SEMA4D: variants seen among roughly 807,000 people sequenced by gnomAD.
The protein encoded by SEMA4D is semaphorin-4D.
SEMA4D carries 22 observed loss-of-function variants against 74.8 expected under a neutral mutation model. The observed-to-expected ratio is 0.29, with a 90% CI of 0.21 to 0.42. The LOEUF is 0.42. Ranked by LOEUF, SEMA4D falls within the 10% of genes least tolerant of loss-of-function variation. SEMA4D has a pLI of 1.00. For synonymous variants in SEMA4D, 445 were observed against 463.7 expected, an observed-to-expected ratio of 0.96 and a Z score of 0.52; for missense variants, 937 against 1,118.4, an observed-to-expected ratio of 0.84 and a Z score of 2.31.
At chr9:89,446,075 A>G (rs553484903) in intron 2 of SEMA4D, among the ~76,000 whole-genome samples, 38 of 152,004 alleles carry the variant, frequency 2.5e-4, no homozygotes, top group Non-Finnish European at 4.0e-4. Context: ...ACCGATTCTC[A>G]TGTCAACCTC....
intron 2 of SEMA4D, among the ~76,000 whole-genome samples, chr9:89,424,447 C>CG (rs1212550957): frequency 6.6e-6 from 1 of 152,180 alleles, no homozygotes; most frequent in African/African-American, 2.4e-5. Context: ...CTAAAGCCCA[C>CG]GACCACAACA....
chr9:89,370,730 G>C (rs972740328), intron 16 of SEMA4D, among the ~76,000 whole-genome samples: 22 of 149,238 alleles, frequency 1.5e-4, no homozygotes, highest in Non-Finnish European at 3.0e-4. Context: ...AGTTTGTGGG[G>C]TGTGGTGTGT....
intron 1 of SEMA4D, among the ~76,000 whole-genome samples, chr9:89,493,027 G>T (rs973692213): frequency 6.6e-6 from 1 of 152,096 alleles, no homozygotes. Flanking sequence ...CATATTCCCC[G>T]GCACCCCAGC....
intron 6 of SEMA4D, among the ~76,000 whole-genome samples, chr9:89,395,468 A>G (rs1018663126): frequency 6.6e-6 from 1 of 152,096 alleles, no homozygotes; most frequent in African/African-American, 2.4e-5. Context: ...CTAAATTTAA[A>G]CCAAATACAG....
intron 1 of SEMA4D, among the ~76,000 whole-genome samples, chr9:89,474,850 G>A (rs4876987): frequency 0.19 from 29,324 of 152,206 alleles, 3,017 homozygotes; most frequent in East Asian, 0.32. Context: ...TCTGCTCTCA[G>A]GTCTGTGACT....
exon 19 of SEMA4D, chr9:89,362,250 T>G: frequency 7.5e-7 from 1 of 1,332,062 alleles, no homozygotes; most frequent in Non-Finnish European, 1.1e-6. Context: ...CCTCTGCCCA[T>G]CAGGTGGTGG....
At chr9:89,486,167 C>T (rs549916266) in intron 1 of SEMA4D, among the ~76,000 whole-genome samples, 8 of 152,338 alleles carry the variant, frequency 5.3e-5, no homozygotes, top group Admixed American at 6.5e-5. Flanking sequence ...CCTGAGACAT[C>T]GATCTGATTG....
intron 18 of SEMA4D, chr9:89,362,498 T>TGTCTCATAGCCCATCCC: frequency 6.2e-7 from 1 of 1,613,696 alleles, no homozygotes; most frequent in Non-Finnish European, 8.5e-7. Context: ...CAGCCCAGTC[T>TGTCTCATAGCCCATCCC]GTCTCATAGC....
Position 89,472,447 on chromosome 9 carries a change from T to C in SEMA4D, c.-309-16494A>G, listed in dbSNP as rs1860612101. On this transcript the variant is annotated intron_variant, in intron 1 of 15. Coordinates refer to ENST00000422704, the MANE Select transcript of SEMA4D (RefSeq NM_001371194.2). ...CCAAATATACAGCCTTAAAATAGAA[T>C]GTGGACCTAAACACTGAGAAGCACC... 1.1e-5 allele frequency: 3 copies of C among 272,746 alleles called. No homozygotes were observed. The South Asian group carries it at 1.2e-4, about 11-fold the overall frequency. The allele number at this position is 272,746 out of a possible 1,614,324, so 16.9% of individuals were successfully genotyped here. A position where few individuals can be genotyped will look rare whatever the true frequency, so the allele number is the denominator to read the frequency against.
intron 1 of SEMA4D, among the ~76,000 whole-genome samples, chr9:89,477,803 G>C (rs1282204976): frequency 6.6e-6 from 1 of 152,118 alleles, no homozygotes; most frequent in African/African-American, 2.4e-5. Flanking sequence ...TAAAATAATG[G>C]AAAAGTTAGT....
chr9:89,489,433 T>C (rs1588199345), intron 1 of SEMA4D, among the ~76,000 whole-genome samples: 1 of 152,344 alleles, frequency 6.6e-6, no homozygotes, highest in Non-Finnish European at 1.5e-5. Flanking sequence ...CAATGTTATG[T>C]AACCATCACC....
At chr9:89,446,495 C>T (rs1262086762) in intron 2 of SEMA4D, among the ~76,000 whole-genome samples, 1 of 152,220 alleles carries the variant, frequency 6.6e-6, no homozygotes, top group East Asian at 1.9e-4. Flanking sequence ...CATGACCCCA[C>T]CCAGCCCAAC....
At chr9:89,486,738 T>G (rs1178868183) in intron 1 of SEMA4D, among the ~76,000 whole-genome samples, 1 of 152,186 alleles carries the variant, frequency 6.6e-6, no homozygotes, top group Non-Finnish European at 1.5e-5. Flanking sequence ...AAACTCTGTC[T>G]CTGCTAAAAT....
At position 89,380,642 on chromosome 9, in the gene SEMA4D, G is replaced by A. The variant is rs563706132; in HGVS notation, c.1663+413C>T. Reference sequence around the variant, plus strand: ...TGATGCCACCCCTCCCTCTGGGTGTGGTGCTATTTCAGACATCCACAGGCG... The same window carrying A: ...TGATGCCACCCCTCCCTCTGGGTGTAGTGCTATTTCAGACATCCACAGGCG... On this transcript the variant is annotated intron_variant, in intron 15 of 15. Coordinates refer to ENST00000422704, the MANE Select transcript of SEMA4D (RefSeq NM_001371194.2). Among the ~76,000 whole-genome samples, 59 of 152,316 alleles carry A rather than the reference G, an allele frequency of 3.9e-4. No individual in the cohort carries two copies. In the South Asian group the frequency reaches 0.011, roughly 29 times the overall value.
intron 2 of SEMA4D, among the ~76,000 whole-genome samples, chr9:89,438,799 G>A (rs1358643249): frequency 1.3e-5 from 2 of 151,176 alleles, no homozygotes; most frequent in Non-Finnish European, 2.9e-5. Flanking sequence ...CTGAGTAGCT[G>A]GGACTACAGG....
intron 2 of SEMA4D, among the ~76,000 whole-genome samples, chr9:89,425,560 C>T (rs10512197): frequency 0.21 from 31,473 of 152,082 alleles, 3,482 homozygotes; most frequent in Non-Finnish European, 0.25. Flanking sequence ...CACTAACCCT[C>T]GTATCTGACA....
intron 16 of SEMA4D, among the ~76,000 whole-genome samples, chr9:89,369,865 A>AGT (rs112473972): frequency 2.2e-5 from 3 of 138,664 alleles, no homozygotes; most frequent in African/African-American, 7.9e-5. Flanking sequence ...CTAAGTCAAC[A>AGT]ATGTGTGTGT....
chr9:89,386,136 A>G (rs1838422278), intron 13 of SEMA4D: 1 of 951,550 alleles, frequency 1.1e-6, no homozygotes, highest in Non-Finnish European at 1.3e-6. Context: ...CATTCCAGCA[A>G]CTTCGAAGAG....
intron 1 of SEMA4D, among the ~76,000 whole-genome samples, chr9:89,485,165 A>G (rs1365716950): frequency 1.3e-5 from 2 of 152,224 alleles, no homozygotes; most frequent in African/African-American, 2.4e-5. Flanking sequence ...CATTTTGGAC[A>G]TGGTCTAGTG....
Sources: allele counts gnomAD v4.1 joint callset (sites outside exome capture counted in the v4.1 genomes callset), GRCh38; gene constraint gnomAD v4.1.1; transcripts MANE v1.5; gene names NCBI Gene and HGNC (gene_info 2026-07-23, HGNC 2026-07-21).